Variants in ZNF654 observed in about 807,000 individuals in gnomAD.
The protein encoded by ZNF654 is zinc finger protein 654.
A neutral mutation model predicts 95.3 loss-of-function variants in ZNF654; 19 were observed. The ratio of observed to expected loss-of-function variants is 0.20; its 90% CI spans 0.14 to 0.29. The LOEUF (loss-of-function observed/expected upper bound fraction) is 0.29, where lower values mean the gene tolerates loss of function less well. ZNF654 is among the 10% of genes least tolerant of loss of function. The pLI is 1.00. For synonymous variants in ZNF654, 413 were observed against 457.9 expected (o/e 0.90, Z 1.25); for missense variants, 1,046 against 1,341.0 (o/e 0.78, Z 3.44).
intron 2 of ZNF654, among the ~76,000 whole-genome samples, chr3:88,110,608 A>G (rs980257969): frequency 6.6e-6 from 1 of 152,090 alleles, no homozygotes; most frequent in African/African-American, 2.4e-5. Context: ...CTTGCTGTAG[A>G]CTGTTACTCA....
At chr3:88,081,549 T>G (rs1415917648) in intron 1 of ZNF654, among the ~76,000 whole-genome samples, 1 of 152,244 alleles carries the variant, frequency 6.6e-6, no homozygotes, top group African/African-American at 2.4e-5. Context: ...TTTATTTAAT[T>G]ATTTGTATCA....
At position 88,143,850 on chromosome 3, in the gene ZNF654, G is replaced by A. The variant is rs1315947618; in HGVS notation, c.*2198G>A. The A allele has an allele frequency of 6.6e-6, 1 of 151,860 alleles. No homozygotes were observed. The highest frequency in any genetic ancestry group is 1.9e-4 in the East Asian group (1 of 5,192). 9.4% of individuals were successfully genotyped at this position (151,860 alleles called of 1,614,324 possible). A position where few individuals can be genotyped will look rare whatever the true frequency, so the allele number is the denominator to read the frequency against. ...CCTCGGTTTATATACTTCTCAAATA[G>A]CTATTGAAAGAATGTGTTCATTTTA... On this transcript the variant is annotated 3_prime_UTR_variant, in exon 9 of 9. Transcript: ENST00000636215.
At chr3:88,079,025 T>C (rs1316521581) in intron 1 of ZNF654, among the ~76,000 whole-genome samples, 1 of 152,072 alleles carries the variant, frequency 6.6e-6, no homozygotes, top group Admixed American at 6.5e-5. Flanking sequence ...AGGTTTGGGC[T>C]GAAACTAAGA....
intron 1 of ZNF654, among the ~76,000 whole-genome samples, chr3:88,064,206 A>C (rs1485519523): frequency 6.6e-6 from 1 of 151,540 alleles, no homozygotes; most frequent in Non-Finnish European, 1.5e-5. Context: ...TATCACTGGC[A>C]ACTCTTTCAG....
chr3:88,131,077 G>C (rs1332520273), intron 6 of ZNF654, among the ~76,000 whole-genome samples: 1 of 152,110 alleles, frequency 6.6e-6, no homozygotes, highest in Non-Finnish European at 1.5e-5. Context: ...TACAAACCTA[G>C]ATGGTATATC....
chr3:88,077,643 C>A lies in ZNF654; in HGVS notation c.187-8614C>A, dbSNP rs565367113. Among the ~76,000 whole-genome samples the A allele has an allele frequency of 2.6e-5, 4 of 151,998 alleles. No individual in the cohort carries two copies. The South Asian group carries it at 8.3e-4, about 32-fold the overall frequency. On this transcript the variant is annotated intron_variant, in intron 1 of 8. Transcript: ENST00000636215. ...TTATACTGCTTCTGAGATAGGGAAACCTTTTCAAAATAACACATAGGAAAG... is the reference window on the plus strand; with the variant it reads ...TTATACTGCTTCTGAGATAGGGAAAACTTTTCAAAATAACACATAGGAAAG...
chr3:88,115,616 A>G (rs1705343549), intron 3 of ZNF654, among the ~76,000 whole-genome samples: 4 of 152,186 alleles, frequency 2.6e-5, no homozygotes, highest in Admixed American at 2.6e-4. Flanking sequence ...CTGATCTCCT[A>G]AAATCTGAGT....
At chr3:88,071,312 C>T (rs921698870) in intron 1 of ZNF654, among the ~76,000 whole-genome samples, 5 of 151,768 alleles carry the variant, frequency 3.3e-5, no homozygotes, top group Non-Finnish European at 7.4e-5. Context: ...GAGTTTGAGA[C>T]CAGCCTGGCC....
rs1355729557 is a variant in ZNF654 at position 88,086,379 on chromosome 3, A to G, written c.309A>G (p.Gln103=). 3.3e-6 allele frequency: 5 copies of G among 1,534,022 alleles called. No homozygotes were observed. The highest frequency in any genetic ancestry group is 4.4e-6 in the Non-Finnish European group (5 of 1,145,714). ...TCCCAGATGAATGTGAGCATGTACA[A>G]TATGTTTTGAGTAGCCTTGCTGTGT... The part of the protein sequence containing the change: ...ASFPDECEHV[Q]YVLSSLAVSF... The change falls in exon 2 of 9, where the codon CAA becomes CAG. Residue 103 remains glutamine, a synonymous_variant. Transcript: ENST00000636215.
chr3:88,132,600 T>G (rs1442101007), intron 6 of ZNF654, among the ~76,000 whole-genome samples: 1 of 152,214 alleles, frequency 6.6e-6, no homozygotes, highest in Non-Finnish European at 1.5e-5. Context: ...TCCTAAGATT[T>G]CTGCTTTGCC....
intron 4 of ZNF654, among the ~76,000 whole-genome samples, chr3:88,127,426 G>A (rs1305608871): frequency 7.6e-6 from 1 of 131,908 alleles, no homozygotes; most frequent in Admixed American, 8.6e-5. Flanking sequence ...TGTTTGATGT[G>A]TGGATCTTGG....
At chr3:88,081,201 T>C (rs1334773889) in intron 1 of ZNF654, among the ~76,000 whole-genome samples, 7 of 152,250 alleles carry the variant, frequency 4.6e-5, no homozygotes, top group African/African-American at 1.7e-4. Context: ...ATTGTGTCTT[T>C]CTCAATGTAT....
At chr3:88,065,390 A>G (rs1707138222) in intron 1 of ZNF654, among the ~76,000 whole-genome samples, 1 of 152,124 alleles carries the variant, frequency 6.6e-6, no homozygotes, top group Admixed American at 6.5e-5. Flanking sequence ...AAACTACCTA[A>G]ATGACTATTA....
intron 1 of ZNF654, among the ~76,000 whole-genome samples, chr3:88,062,194 T>C (rs1706924254): frequency 6.6e-6 from 1 of 152,116 alleles, no homozygotes; most frequent in Non-Finnish European, 1.5e-5. Context: ...GGATGAAAGG[T>C]AGGGGAAAGT....
intron 1 of ZNF654, among the ~76,000 whole-genome samples, chr3:88,079,663 A>G (rs1307425960): frequency 6.6e-6 from 1 of 152,064 alleles, no homozygotes; most frequent in Non-Finnish European, 1.5e-5. Context: ...AGGTTGGACT[A>G]GATAATCTTC....
At chr3:88,120,948 T>G (rs946440875) in intron 3 of ZNF654, among the ~76,000 whole-genome samples, 6 of 151,998 alleles carry the variant, frequency 3.9e-5, no homozygotes, top group African/African-American at 1.4e-4. Flanking sequence ...GATAGAAAAT[T>G]TTCTTGTCTG....
chr3:88,107,840 A>G (rs1168812374), intron 2 of ZNF654, among the ~76,000 whole-genome samples: 1 of 151,862 alleles, frequency 6.6e-6, no homozygotes, highest in Admixed American at 6.6e-5. Context: ...TGTTCTTTAT[A>G]TTTTCAATGT....
chr3:88,091,878 C>T (rs1708651119), intron 2 of ZNF654, among the ~76,000 whole-genome samples: 1 of 152,180 alleles, frequency 6.6e-6, no homozygotes, highest in Admixed American at 6.5e-5. Flanking sequence ...GTCCATTAAA[C>T]CTCTTTTTCT....
chr3:88,064,640 A>C (rs1394288989), intron 1 of ZNF654, among the ~76,000 whole-genome samples: 1 of 152,136 alleles, frequency 6.6e-6, no homozygotes, highest in Non-Finnish European at 1.5e-5. Context: ...CTTGGCTTTC[A>C]GTTTCTTGGG....
Sources: allele counts gnomAD v4.1 joint callset (sites outside exome capture counted in the v4.1 genomes callset), GRCh38; gene constraint gnomAD v4.1.1; transcripts MANE v1.5; gene names NCBI Gene and HGNC (gene_info 2026-07-23, HGNC 2026-07-21).